CDC42BPB: variants seen among roughly 807,000 people sequenced by gnomAD.
CDC42BPB encodes the protein serine/threonine-protein kinase MRCK beta.
A neutral mutation model predicts 214.9 loss-of-function variants in CDC42BPB; 37 were observed. That is an observed-to-expected ratio of 0.17 (90% CI 0.13 to 0.23). CDC42BPB has a LOEUF of 0.23. CDC42BPB is among the 10% of genes least tolerant of loss of function. The pLI, the probability that CDC42BPB is intolerant of heterozygous loss-of-function variation, is 1.00. For missense variants in CDC42BPB, 1,694 were observed against 2,227.0 expected, an observed-to-expected ratio of 0.76 and a Z score of 4.82; for synonymous variants, 931 against 884.0, an observed-to-expected ratio of 1.05 and a Z score of -0.94.
chr14:102,976,136 G>GACTA, intron 9 of CDC42BPB, 87 bp from the exon 10 acceptor site: 1 of 1,546,240 alleles, frequency 6.5e-7, no homozygotes, highest in Non-Finnish European at 8.7e-7. Flanking sequence ...GTGAAAGATA[G>GACTA]TCTTTTTAAA....
intron 2 of CDC42BPB, among the ~76,000 whole-genome samples, chr14:103,009,905 G>T (rs1455733338): frequency 6.6e-6 from 1 of 152,202 alleles, no homozygotes; most frequent in East Asian, 1.9e-4. Flanking sequence ...ACTCTTGAAG[G>T]TGGAGGCAGG....
At chr14:103,053,493 G>C (rs1470152506) in intron 1 of CDC42BPB, among the ~76,000 whole-genome samples, 2 of 152,092 alleles carry the variant, frequency 1.3e-5, no homozygotes, top group Admixed American at 6.5e-5. Context: ...CAGGCACGGT[G>C]GCTCACACCT....
rs1282412952 is a variant in CDC42BPB, at chr14:102,943,784, C to T, written c.4408+107G>A. The stretch of plus-strand genomic sequence containing the variant: ...GCCCACCTCTCCCGATGCTCTGTGA[C>T]TACTCAACTAAGGGACTGGAAGACA... On this transcript the variant is annotated intron_variant, in intron 30 of 36. Transcript: ENST00000361246. The surrounding 1 kb of genome is among the most constrained non-coding windows in gnomAD (Gnocchi z 4.6). 1.0e-6 allele frequency: 1 copy of T among 976,276 alleles called. No homozygotes were observed. Among genetic ancestry groups the T allele is most frequent in the Admixed American group, 2.3e-5 (1 of 43,588 alleles). The allele number at this position is 976,276 out of a possible 1,614,324, so 60.5% of individuals were successfully genotyped here.
At chr14:103,041,728 A>C (rs904788363) in intron 1 of CDC42BPB, 5 of 543,964 alleles carry the variant, frequency 9.2e-6, no homozygotes, top group Non-Finnish European at 1.4e-5. Context: ...CATTCACAAG[A>C]AGGTGGCCCA....
chr14:102,996,824 A>C (rs1262795693), intron 5 of CDC42BPB, among the ~76,000 whole-genome samples: 1 of 151,906 alleles, frequency 6.6e-6, no homozygotes, highest in Non-Finnish European at 1.5e-5. Context: ...AAAAAAAAAA[A>C]AAACAACCTA....
intron 1 of CDC42BPB, among the ~76,000 whole-genome samples, chr14:103,038,728 C>CGGGT: frequency 3.3e-5 from 1 of 30,454 alleles, no homozygotes; most frequent in Middle Eastern, 0.022. Context: ...GGGGGGGGGG[C>CGGGT]GGGTCTCATT....
chr14:103,014,678 C>A (rs1052384449), intron 1 of CDC42BPB, among the ~76,000 whole-genome samples: 9 of 152,104 alleles, frequency 5.9e-5, no homozygotes, highest in African/African-American at 1.9e-4. Context: ...ACAGAAGGTT[C>A]CAGGGGCCTG....
rs990531350 is a variant in CDC42BPB at position 102,933,542 on chromosome 14, C to G, written c.*170G>C. 7 of 551,728 alleles carry G rather than the reference C, an allele frequency of 1.3e-5. No homozygotes were observed. Among genetic ancestry groups the G allele is most frequent in the Admixed American group, 4.3e-5 (1 of 23,122 alleles). The allele number at this position is 551,728 out of a possible 1,614,324, so 34.2% of individuals were successfully genotyped here. A position where few individuals can be genotyped will look rare whatever the true frequency, so the allele number is the denominator to read the frequency against. ...AACAGATGTGGTCTACTGCCACGAA[C>G]AATGCGGCATAAAACTGATCAATAT... On this transcript the variant is annotated 3_prime_UTR_variant, in exon 37 of 37. Transcript: ENST00000361246.
rs958716122 is a variant in CDC42BPB, at chr14:103,057,006, G to A, written c.168C>T (p.Leu56=). Residue 56 remains leucine (L), a synonymous_variant, in exon 1 of 37, where the codon CTC becomes CTT. Coordinates refer to ENST00000361246, the MANE Select transcript of CDC42BPB (RefSeq NM_006035.4). The part of the protein sequence containing the change: ...LRRDKYVAEF[L]EWAKPFTQLV... ...CTGCCGGCGCGCACTTACCCCACTCGAGGAACTCGGCCACGTACTTGTCGC... is the reference window on the plus strand; with the variant it reads ...CTGCCGGCGCGCACTTACCCCACTCAAGGAACTCGGCCACGTACTTGTCGC... 7 of 1,469,564 alleles carry A rather than the reference G, an allele frequency of 4.8e-6. No homozygotes were observed. The South Asian group carries it at 5.2e-5, about 11-fold the overall frequency. The allele number at this position is 1,469,564 out of a possible 1,614,324, so 91.0% of individuals were successfully genotyped here.
chr14:103,053,902 A>G (rs1002663628), intron 1 of CDC42BPB, among the ~76,000 whole-genome samples: 2 of 152,090 alleles, frequency 1.3e-5, no homozygotes, highest in Non-Finnish European at 2.9e-5. Flanking sequence ...GTGTAGTGGC[A>G]TGATCATTGC....
At chr14:102,985,688 G>C (rs1894213664) in intron 6 of CDC42BPB, among the ~76,000 whole-genome samples, 1 of 152,272 alleles carries the variant, frequency 6.6e-6, no homozygotes, top group African/African-American at 2.4e-5. Context: ...CAGTAGGCAA[G>C]AAAGGGATTG....
intron 12 of CDC42BPB, 96 bp from the exon 13 acceptor site, chr14:102,972,257 A>C (rs1595480991): frequency 3.2e-6 from 5 of 1,550,236 alleles, no homozygotes. Flanking sequence ...GTTAAAAGCG[A>C]CAGCCAATGC....
intron 30 of CDC42BPB, among the ~76,000 whole-genome samples, chr14:102,942,950 CCT>C (rs960370187): frequency 1.3e-5 from 2 of 152,324 alleles, no homozygotes; most frequent in African/African-American, 2.4e-5. Flanking sequence ...CTCACTGCAA[CCT>C]CTGTGTCCTG....
At chr14:102,992,957 T>G (rs1332307287) in intron 5 of CDC42BPB, among the ~76,000 whole-genome samples, 3 of 151,938 alleles carry the variant, frequency 2.0e-5, no homozygotes, top group Non-Finnish European at 4.4e-5. Flanking sequence ...GCCTCCCAAG[T>G]AGCCGGGATT....
Position 103,057,238 on chromosome 14 carries a change from C to T in CDC42BPB, c.-65G>A, listed in dbSNP as rs1468601094. 2.6e-5 allele frequency: 32 copies of T among 1,223,224 alleles called. 2 individuals are homozygous for T. In the African/African-American group the frequency reaches 4.6e-4, roughly 17 times the overall value. 75.8% of individuals were successfully genotyped at this position (1,223,224 alleles called of 1,614,324 possible). The stretch of plus-strand genomic sequence containing the variant: ...CGCCGGCTCGGCCAGTCCGTCAGGG[C>T]GCGCCCTCGGGGGCTCGGCGGCTGC... On this transcript the variant is annotated 5_prime_UTR_variant, in exon 1 of 37. Coordinates refer to ENST00000361246, the MANE Select transcript of CDC42BPB (RefSeq NM_006035.4).
rs1371555292 is a variant in CDC42BPB at position 102,950,611 on chromosome 14, G to C, written c.3173-9C>G. 4 of 1,558,612 alleles carry C rather than the reference G, an allele frequency of 2.6e-6. No individual in the cohort carries two copies. The highest frequency in any genetic ancestry group is 3.8e-5 in the Admixed American group (2 of 52,766). On this transcript the variant is annotated splice_polypyrimidine_tract_variant and intron_variant, in intron 24 of 36. Coordinates refer to ENST00000361246, the MANE Select transcript of CDC42BPB (RefSeq NM_006035.4). The stretch of plus-strand genomic sequence containing the variant: ...GCAAGCAAAGGAACACACTGGAAGA[G>C]AGCAAGAACACTGCCTTCAAAGCTT...
intron 21 of CDC42BPB, 74 bp from the exon 22 acceptor site, chr14:102,954,762 T>C: frequency 2.0e-6 from 3 of 1,536,516 alleles, no homozygotes; most frequent in Non-Finnish European, 2.7e-6. Flanking sequence ...TTACAAGTTC[T>C]TTACTAATAA....
At chr14:102,988,012 C>A (rs536278037) in intron 5 of CDC42BPB, among the ~76,000 whole-genome samples, 1 of 152,126 alleles carries the variant, frequency 6.6e-6, no homozygotes, top group Non-Finnish European at 1.5e-5. Flanking sequence ...AACACACACG[C>A]ACGCACTAGA....
rs1165942041 is a variant in CDC42BPB at position 103,001,213 on chromosome 14, C to T, written c.448-1500G>A. Among the ~76,000 whole-genome samples, 3 of 152,202 alleles carry T rather than the reference C, an allele frequency of 2.0e-5. No individual in the cohort carries two copies. The highest frequency in any genetic ancestry group is 3.9e-4 in the East Asian group (2 of 5,194). On this transcript the variant is annotated intron_variant, in intron 4 of 36. Coordinates refer to ENST00000361246, the MANE Select transcript of CDC42BPB (RefSeq NM_006035.4). This position sits in a 1 kb window ranked among gnomAD's most constrained non-coding sequence, Gnocchi z 5.8. ...GGCTCAGGCACTGCCCGTCCTTCCC[C>T]GCCGAGTTTTTCAATTTGTTCATTC... is the stretch of plus-strand genomic sequence containing the variant.
Sources: allele counts gnomAD v4.1 joint callset (sites outside exome capture counted in the v4.1 genomes callset), GRCh38; gene constraint gnomAD v4.1.1; non-coding constraint Gnocchi (gnomAD v3.1); transcripts MANE v1.5; gene names NCBI Gene and HGNC (gene_info 2026-07-23, HGNC 2026-07-21).